The following BCLAF3 variants were observed in gnomAD, a reference collection of about 807,000 sequenced individuals.
BCLAF3 encodes the protein BCLAF1 and THRAP3 family member 3, also known as transient octamer binding factor 1.
Under a neutral mutation model 51.2 loss-of-function variants are expected in BCLAF3, and 24 were observed. The ratio of observed to expected loss-of-function variants is 0.47; its 90% confidence interval spans 0.34 to 0.66. The LOEUF (loss-of-function observed/expected upper bound fraction) is 0.66, where lower values mean the gene tolerates loss of function less well. Among genes scored for constraint, BCLAF3 ranks in the 30% least tolerant of loss-of-function variants. BCLAF3 has a pLI of 0.01. For synonymous variants in BCLAF3, 152 were observed against 176.6 expected (o/e 0.86, Z 1.10); for missense variants, 465 against 525.1 (o/e 0.89, Z 1.12).
At chrX:19,981,845 C>A (rs1053188563) in intron 1 of BCLAF3, among the ~76,000 whole-genome samples, 4 of 107,933 alleles carry the variant, frequency 3.7e-5, no homozygotes, top group African/African-American at 1.3e-4. Context: ...AAAAAGTAGA[C>A]TGGTGGTTGC....
intron 10 of BCLAF3, among the ~76,000 whole-genome samples, chrX:19,932,776 C>A (rs754014946): frequency 9.0e-6 from 1 of 111,147 alleles, no homozygotes; most frequent in Non-Finnish European, 1.9e-5. Flanking sequence ...AAGTGATCTG[C>A]CCGCCTCAGC....
chrX:19,986,119 AAC>A (rs1435149915), intron 1 of BCLAF3, among the ~76,000 whole-genome samples: 1 of 112,069 alleles, frequency 8.9e-6, no homozygotes, highest in Non-Finnish European at 1.9e-5. Flanking sequence ...AAAGCACAGA[AAC>A]ACAAAATGAG....
At chrX:19,967,932 C>T (rs1282719439) in intron 2 of BCLAF3, among the ~76,000 whole-genome samples, 5 of 111,937 alleles carry the variant, frequency 4.5e-5, no homozygotes, top group African/African-American at 1.6e-4. Flanking sequence ...TTAGCTAAAG[C>T]AGAAACTCTG....
chrX:19,941,385 T>C (rs1177819955), intron 8 of BCLAF3, among the ~76,000 whole-genome samples: 2 of 102,157 alleles, frequency 2.0e-5, no homozygotes, highest in East Asian at 5.6e-4. Flanking sequence ...GGTTATCTTC[T>C]AGGGTTTTTA....
intron 4 of BCLAF3, among the ~76,000 whole-genome samples, chrX:19,962,010 T>G (rs971353745): frequency 8.9e-6 from 1 of 112,004 alleles, no homozygotes; most frequent in Non-Finnish European, 1.9e-5. Flanking sequence ...AAGCTTCCAT[T>G]TCTCATATCA....
At chrX:19,919,407 C>T (rs1414861722) in intron 11 of BCLAF3, among the ~76,000 whole-genome samples, 1 of 111,762 alleles carries the variant, frequency 8.9e-6, no homozygotes, top group East Asian at 2.8e-4. Flanking sequence ...ATTAGCTGAG[C>T]GTCATAGTGG....
At chrX:19,933,633 A>G (rs1416342661) in intron 10 of BCLAF3, among the ~76,000 whole-genome samples, 1 of 112,685 alleles carries the variant, frequency 8.9e-6, no homozygotes, top group Non-Finnish European at 1.9e-5. Context: ...TGTTAAGACT[A>G]TCTGCACAAA....
At chrX:19,982,107 C>CA (rs781400646) in intron 1 of BCLAF3, among the ~76,000 whole-genome samples, 53 of 112,089 alleles carry the variant, frequency 4.7e-4, no homozygotes, top group Non-Finnish European at 7.5e-5. Flanking sequence ...TCAGCATTTA[C>CA]AAATGCAAAG....
At chrX:19,964,770 C>T (rs769422888) in intron 4 of BCLAF3, among the ~76,000 whole-genome samples, 4 of 111,336 alleles carry the variant, frequency 3.6e-5, no homozygotes, top group Admixed American at 2.9e-4. Flanking sequence ...CATAAAAACA[C>T]GTGAATTCAT....
Position 19,952,247 on chromosome X carries a change from A to G in BCLAF3, c.1629+741T>C, listed in dbSNP as rs190155530. Among the ~76,000 whole-genome samples, 63 of 112,085 alleles carry G rather than the reference A, an allele frequency of 5.6e-4. No homozygotes were observed. The East Asian group carries it at 0.012, about 21-fold the overall frequency. ...ATTAACCTATCTCCATAAGTTCAGC[A>G]AAAATTATAATCATTTCACAAGTGA... On this transcript the variant is annotated intron_variant, in intron 7 of 11. Coordinates refer to ENST00000379682, the MANE Select transcript of BCLAF3 (RefSeq NM_001367774.2).
intron 11 of BCLAF3, among the ~76,000 whole-genome samples, chrX:19,917,675 C>T (rs1603298232): frequency 8.9e-6 from 1 of 111,899 alleles, no homozygotes; most frequent in African/African-American, 3.2e-5. Flanking sequence ...CTCTCAAGTA[C>T]GGAGCCTGAC....
At chrX:19,925,571 C>T (rs1205648871) in intron 11 of BCLAF3, among the ~76,000 whole-genome samples, 1 of 111,583 alleles carries the variant, frequency 9.0e-6, no homozygotes, top group Non-Finnish European at 1.9e-5. Context: ...TGCAGGGATG[C>T]TGTTCAGACT....
Position 19,917,015 on chromosome X carries a change from G to T in BCLAF3, c.*290C>A, listed in dbSNP as rs1035634632. On this transcript the variant is annotated 3_prime_UTR_variant, in exon 12 of 12. Transcript: ENST00000379682. ...TATTACTTGGTGAAGTTCTCTCTATGAAACCATGCTCAGAGAAAAATGCAT... is the reference window on the plus strand; with the variant it reads ...TATTACTTGGTGAAGTTCTCTCTATTAAACCATGCTCAGAGAAAAATGCAT... The T allele has an allele frequency of 9.8e-6, 3 of 305,853 alleles. No individual in the cohort carries two copies. The highest frequency in any genetic ancestry group is 8.4e-5 in the African/African-American group (3 of 35,881). The allele number at this position is 305,853 out of a possible 1,213,427, so 25.2% of individuals were successfully genotyped here.
chrX:19,964,683 G>A (rs746781844), intron 4 of BCLAF3, among the ~76,000 whole-genome samples: 3 of 111,531 alleles, frequency 2.7e-5, no homozygotes, highest in Non-Finnish European at 3.8e-5. Flanking sequence ...AGAGAGCACA[G>A]GCTCTGAGAA....
In BCLAF3 at chrX:19,958,406, G is replaced by A. The variant is rs755414894; in HGVS notation, c.1275-2840C>T. On this transcript the variant is annotated intron_variant, in intron 4 of 11. Coordinates refer to ENST00000379682, the MANE Select transcript of BCLAF3 (RefSeq NM_001367774.2). ...TCAAAATCCGTACGACACATATAAA[G>A]TTTTCCTTTCTGTCTTCTTCCAACT... is the stretch of plus-strand genomic sequence containing the variant. 9.8e-5 allele frequency among the ~76,000 whole-genome samples: 11 copies of A among 111,926 alleles called. No homozygotes were observed. In the East Asian group the frequency reaches 3.1e-3, roughly 31 times the overall value.
At chrX:19,918,892 T>C (rs1018769912) in intron 11 of BCLAF3, among the ~76,000 whole-genome samples, 1 of 110,334 alleles carries the variant, frequency 9.1e-6, no homozygotes, top group African/African-American at 3.3e-5. Context: ...GCACTTCTTA[T>C]CTAGGTTTTC....
intron 1 of BCLAF3, among the ~76,000 whole-genome samples, chrX:19,972,928 G>A (rs980551978): frequency 8.9e-6 from 1 of 111,998 alleles, no homozygotes; most frequent in East Asian, 2.8e-4. Context: ...TATAAATAAC[G>A]CTCTTACGAA....
intron 8 of BCLAF3, among the ~76,000 whole-genome samples, chrX:19,939,173 A>G (rs760382830): frequency 2.4e-4 from 27 of 112,490 alleles, no homozygotes; most frequent in Non-Finnish European, 4.1e-4. Context: ...AAATATACAC[A>G]TATGTGCCCA....
At chrX:19,932,481 G>A (rs2070599022) in intron 10 of BCLAF3, among the ~76,000 whole-genome samples, 1 of 108,481 alleles carries the variant, frequency 9.2e-6, no homozygotes, top group Admixed American at 1.0e-4. Context: ...TAGAAAGTTA[G>A]GATCTGAATA....
Sources: gnomAD v4.1 joint callset for allele counts (sites outside exome capture counted in the v4.1 genomes callset) on GRCh38, gnomAD v4.1.1 for gene constraint, MANE v1.5 for transcripts, NCBI Gene and HGNC (gene_info 2026-07-23, HGNC 2026-07-21) for gene names.